The following UBAC2 variants were observed in gnomAD, a reference collection of about 807,000 sequenced individuals.
UBAC2 encodes ubiquitin-associated domain-containing protein 2.
Under a neutral mutation model 44.0 loss-of-function variants are expected in UBAC2, and 26 were observed. That is an observed-to-expected ratio of 0.59 (90% CI 0.43 to 0.82). The LOEUF is 0.82. Ranked by LOEUF, UBAC2 falls within the 40% of genes least tolerant of loss-of-function variation. The pLI, the probability that UBAC2 is intolerant of heterozygous loss-of-function variation, is 0.00. For synonymous variants in UBAC2, 155 were observed against 154.3 expected (o/e 1.00, Z -0.04); for missense variants, 329 against 419.4 (o/e 0.78, Z 1.88).
At chr13:99,224,485 A>G (rs1244991225) in intron 1 of UBAC2, among the ~76,000 whole-genome samples, 4 of 152,202 alleles carry the variant, frequency 2.6e-5, no homozygotes, top group Non-Finnish European at 5.9e-5. Flanking sequence ...TTGTGGATTT[A>G]TCTACGTCCC....
intron 4 of UBAC2, among the ~76,000 whole-genome samples, chr13:99,252,071 C>G (rs2043464554): frequency 6.6e-6 from 1 of 152,220 alleles, no homozygotes; most frequent in South Asian, 2.1e-4. Flanking sequence ...CTCTTCTTTC[C>G]TTTCAGAGTC....
Position 99,385,633 on chromosome 13 carries a change from C to G in UBAC2, c.*298C>G, listed in dbSNP as rs2045610294. 1 of 345,812 alleles carries G rather than the reference C, an allele frequency of 2.9e-6. No homozygotes were observed. Among genetic ancestry groups the G allele is most frequent in the Admixed American group, 4.0e-5 (1 of 24,890 alleles). 21.4% of individuals were successfully genotyped at this position (345,812 alleles called of 1,614,324 possible). ...AATGCATTAAAATGGAAGATTTCTG[C>G]AGGCAGTTGAATGGCACTCCAGATG... On this transcript the variant is annotated 3_prime_UTR_variant, in exon 9 of 9. Coordinates refer to ENST00000403766, the MANE Select transcript of UBAC2 (RefSeq NM_001144072.2).
chr13:99,266,626 T>G (rs1374363481), intron 4 of UBAC2, among the ~76,000 whole-genome samples: 1 of 152,212 alleles, frequency 6.6e-6, no homozygotes, highest in African/African-American at 2.4e-5. Context: ...TATTTGTATC[T>G]GATATTATAC....
At chr13:99,227,237 T>C (rs1032836029) in intron 1 of UBAC2, among the ~76,000 whole-genome samples, 1 of 151,104 alleles carries the variant, frequency 6.6e-6, no homozygotes, top group Non-Finnish European at 1.5e-5. Flanking sequence ...GCACCCCTCC[T>C]TCCCCGGTTA....
At position 99,314,235 on chromosome 13, in the gene UBAC2, T is replaced by G. The variant is rs1362321992; in HGVS notation, c.513+15T>G. The G allele has an allele frequency of 1.9e-6, 3 of 1,587,560 alleles. No homozygotes were observed. The highest frequency in any genetic ancestry group is 1.7e-6 in the Non-Finnish European group (2 of 1,171,200). On this transcript the variant is annotated intron_variant, in intron 5 of 8. Transcript: ENST00000403766. ...TGGGACTGCAGGTACAGTATGCATTTTTATGTTCACTTTTCTTTAACCAGA... is the reference window on the plus strand; with the variant it reads ...TGGGACTGCAGGTACAGTATGCATTGTTATGTTCACTTTTCTTTAACCAGA...
chr13:99,285,002 C>G (rs948460195), intron 4 of UBAC2, among the ~76,000 whole-genome samples: 1 of 152,182 alleles, frequency 6.6e-6, no homozygotes, highest in Non-Finnish European at 1.5e-5. Context: ...TTGCTATCCT[C>G]TTTCCATTCC....
At chr13:99,345,256 C>G (rs1236131710) in intron 7 of UBAC2, among the ~76,000 whole-genome samples, 1 of 152,130 alleles carries the variant, frequency 6.6e-6, no homozygotes, top group Non-Finnish European at 1.5e-5. Context: ...TTAAGCCTGA[C>G]AATAGATTTC....
chr13:99,268,775 A>C (rs912799753), intron 4 of UBAC2, among the ~76,000 whole-genome samples: 1 of 152,100 alleles, frequency 6.6e-6, no homozygotes, highest in Non-Finnish European at 1.5e-5. Flanking sequence ...GTTGACACTA[A>C]TATGCCCCTA....
intron 7 of UBAC2, among the ~76,000 whole-genome samples, chr13:99,345,583 C>T (rs546425302): frequency 6.6e-6 from 1 of 152,090 alleles, no homozygotes; most frequent in Non-Finnish European, 1.5e-5. Flanking sequence ...CTGTCCTCAC[C>T]ACTTTATTGA....
In UBAC2 at chr13:99,201,135, A is replaced by C. The variant is rs1042996229; in HGVS notation, c.31+196A>C. 71 of 1,356,178 alleles carry C rather than the reference A, an allele frequency of 5.2e-5. No individual in the cohort carries two copies. The Admixed American group carries it at 1.4e-3, about 27-fold the overall frequency. 84.0% of individuals were successfully genotyped at this position (1,356,178 alleles called of 1,614,324 possible). On this transcript the variant is annotated intron_variant, in intron 1 of 8. Transcript: ENST00000403766. ...GCCCCCATTTCGGCCTGGAGGGGCGAATGGGGACAAAGCCCCGCCGCCCGC... is the reference window on the plus strand; with the variant it reads ...GCCCCCATTTCGGCCTGGAGGGGCGCATGGGGACAAAGCCCCGCCGCCCGC...
chr13:99,228,062 A>C (rs2043130707), intron 1 of UBAC2, among the ~76,000 whole-genome samples: 1 of 152,088 alleles, frequency 6.6e-6, no homozygotes, highest in South Asian at 2.1e-4. Flanking sequence ...AGTCATGTTG[A>C]GTTGCTCAGA....
chr13:99,377,633 G>A (rs1163567454), intron 8 of UBAC2: 1 of 152,186 alleles, frequency 6.6e-6, no homozygotes, highest in Non-Finnish European at 1.5e-5. Context: ...TACATAAAGT[G>A]TATTTTAGAA....
At chr13:99,229,482 G>A (rs866956956) in intron 1 of UBAC2, among the ~76,000 whole-genome samples, 16 of 152,350 alleles carry the variant, frequency 1.1e-4, no homozygotes, top group Middle Eastern at 6.8e-3. Context: ...TTGTGCTGGA[G>A]AGGCAGGAGG....
chr13:99,369,644 C>T (rs2045379578), intron 8 of UBAC2, among the ~76,000 whole-genome samples: 1 of 152,196 alleles, frequency 6.6e-6, no homozygotes, highest in African/African-American at 2.4e-5. Flanking sequence ...TTAACTCCAT[C>T]GTAGGTTGAG....
chr13:99,302,161 G>A (rs2044266326), intron 4 of UBAC2, among the ~76,000 whole-genome samples: 1 of 152,158 alleles, frequency 6.6e-6, no homozygotes, highest in African/African-American at 2.4e-5. Context: ...ACAGCCAGGG[G>A]AGCCACCCAG....
At position 99,241,635 on chromosome 13, in the gene UBAC2, G is replaced by T. The variant is rs182856007; in HGVS notation, c.160-2197G>T. On this transcript the variant is annotated intron_variant, in intron 2 of 8. Coordinates refer to ENST00000403766, the MANE Select transcript of UBAC2 (RefSeq NM_001144072.2). Reference sequence around the variant, plus strand: ...TGGCATTTCTGTCTAGGATGATGAAGAGTTCTGGAAATAGATAGTGGTGAT... The same window carrying T: ...TGGCATTTCTGTCTAGGATGATGAATAGTTCTGGAAATAGATAGTGGTGAT... Among the ~76,000 whole-genome samples, 3 of 152,138 alleles carry T rather than the reference G, an allele frequency of 2.0e-5. No homozygotes were observed. In the East Asian group the frequency reaches 5.8e-4, roughly 29 times the overall value.
chr13:99,366,529 T>C (rs189896093), intron 7 of UBAC2, among the ~76,000 whole-genome samples: 244 of 152,336 alleles, frequency 1.6e-3, no homozygotes, highest in Non-Finnish European at 2.9e-3. Flanking sequence ...ACAACATATG[T>C]ATAGTATAAC....
At chr13:99,357,751 T>C (rs1460344449) in intron 7 of UBAC2, among the ~76,000 whole-genome samples, 1 of 152,178 alleles carries the variant, frequency 6.6e-6, no homozygotes, top group Non-Finnish European at 1.5e-5. Flanking sequence ...CCTCCTTGCT[T>C]TAACCCCTCT....
chr13:99,353,700 C>T (rs2045131580), intron 7 of UBAC2, among the ~76,000 whole-genome samples: 1 of 150,816 alleles, frequency 6.6e-6, no homozygotes, highest in East Asian at 1.9e-4. Flanking sequence ...AAAAATCATC[C>T]TCATAATCAT....
Sources: gnomAD v4.1 joint callset for allele counts (sites outside exome capture counted in the v4.1 genomes callset) on GRCh38, gnomAD v4.1.1 for gene constraint, MANE v1.5 for transcripts, NCBI Gene and HGNC (gene_info 2026-07-23, HGNC 2026-07-21) for gene names.